CPNE4: variants seen among roughly 807,000 people sequenced by gnomAD.
CPNE4 encodes the protein copine 4.
In CPNE4, 25 loss-of-function variants were observed where a neutral mutation model predicts 67.9. The ratio of observed to expected loss-of-function variants is 0.37; its 90% CI spans 0.27 to 0.51. The LOEUF (loss-of-function observed/expected upper bound fraction) is 0.51. CPNE4 is among the 20% of genes least tolerant of loss of function. The pLI is 0.93. For synonymous variants in CPNE4, 242 were observed against 244.9 expected, an observed-to-expected ratio of 0.99 and a Z score of 0.11; for missense variants, 464 against 690.8, an observed-to-expected ratio of 0.67 and a Z score of 3.68.
At chr3:131,579,820 CAAAG>C (rs1212210648) in intron 9 of CPNE4, among the ~76,000 whole-genome samples, 1 of 152,160 alleles carries the variant, frequency 6.6e-6, no homozygotes, top group Non-Finnish European at 1.5e-5. Flanking sequence ...CATGGATAAA[CAAAG>C]AAAGTGGTTT....
At chr3:131,769,052 G>T (rs189540520) in intron 2 of CPNE4, among the ~76,000 whole-genome samples, 1 of 152,218 alleles carries the variant, frequency 6.6e-6, no homozygotes, top group African/African-American at 2.4e-5. Flanking sequence ...TTCCAGCTTG[G>T]GTTCATCCAT....
chr3:131,909,249 G>A (rs1472325332), intron 1 of CPNE4, among the ~76,000 whole-genome samples: 1 of 152,120 alleles, frequency 6.6e-6, no homozygotes, highest in Admixed American at 6.6e-5. Flanking sequence ...TTGTGAAGCT[G>A]CTTTATTAAC....
At chr3:131,991,627 GA>G (rs2073176202) in intron 1 of CPNE4, among the ~76,000 whole-genome samples, 1 of 135,964 alleles carries the variant, frequency 7.4e-6, no homozygotes, top group African/African-American at 2.5e-5. Flanking sequence ...CGATAGAAAA[GA>G]AAAATCCATT....
chr3:131,824,559 T>C (rs6765339), intron 2 of CPNE4, among the ~76,000 whole-genome samples: 4,803 of 152,252 alleles, frequency 0.032, 177 homozygotes, highest in South Asian at 0.094. Context: ...GGCGGTCTAT[T>C]GGTCTTTTAA....
chr3:131,912,892 G>A (rs1410323136), intron 1 of CPNE4, among the ~76,000 whole-genome samples: 1 of 152,112 alleles, frequency 6.6e-6, no homozygotes, highest in Non-Finnish European at 1.5e-5. Context: ...GATCCTGCTA[G>A]CCTGCGGACT....
chr3:131,666,052 C>T (rs1019421316), intron 7 of CPNE4, among the ~76,000 whole-genome samples: 3 of 151,848 alleles, frequency 2.0e-5, no homozygotes, highest in South Asian at 4.2e-4. Flanking sequence ...GGTAAAATAT[C>T]CAGGAAAACC....
intron 2 of CPNE4, among the ~76,000 whole-genome samples, chr3:131,859,292 T>C (rs989199331): frequency 6.6e-6 from 1 of 152,144 alleles, no homozygotes; most frequent in East Asian, 1.9e-4. Flanking sequence ...CTCCCCAAGA[T>C]AGCCAGCCAC....
chr3:131,759,693 A>G (rs1053190300), intron 2 of CPNE4, among the ~76,000 whole-genome samples: 2 of 152,204 alleles, frequency 1.3e-5, no homozygotes, highest in Non-Finnish European at 2.9e-5. Context: ...CAACCACTTT[A>G]TGATTGTTAA....
chr3:131,557,353 A>G (rs984586071), intron 11 of CPNE4, among the ~76,000 whole-genome samples: 1 of 152,062 alleles, frequency 6.6e-6, no homozygotes, highest in Non-Finnish European at 1.5e-5. Flanking sequence ...ATCTATAAGG[A>G]AAAAGGGATG....
chr3:131,891,116 A>C (rs929421776), intron 2 of CPNE4, among the ~76,000 whole-genome samples: 2 of 152,070 alleles, frequency 1.3e-5, no homozygotes, highest in Non-Finnish European at 2.9e-5. Context: ...AACAAACAAA[A>C]ACCCAAAGAG....
intron 11 of CPNE4, among the ~76,000 whole-genome samples, chr3:131,560,887 C>G (rs559733770): frequency 3.3e-5 from 5 of 151,984 alleles, no homozygotes; most frequent in Non-Finnish European, 5.9e-5. Context: ...TAAGGCTTTT[C>G]GAATGGCTTC....
intron 6 of CPNE4, among the ~76,000 whole-genome samples, chr3:131,680,743 G>C (rs2080727959): frequency 6.6e-6 from 1 of 152,072 alleles, no homozygotes; most frequent in South Asian, 2.1e-4. Context: ...CTTTAGTGGT[G>C]ATTTGTGAGA....
At chr3:131,703,792 A>G (rs1269287083) in intron 3 of CPNE4, among the ~76,000 whole-genome samples, 1 of 152,176 alleles carries the variant, frequency 6.6e-6, no homozygotes, top group African/African-American at 2.4e-5. Flanking sequence ...GGTACCAGTT[A>G]CTGTTCATAG....
chr3:131,727,094 T>C (rs1241056158), intron 2 of CPNE4, among the ~76,000 whole-genome samples: 3 of 152,254 alleles, frequency 2.0e-5, no homozygotes, highest in Non-Finnish European at 2.9e-5. Context: ...TATACTATTT[T>C]ACAAATGAGA....
intron 2 of CPNE4, among the ~76,000 whole-genome samples, chr3:131,892,680 A>G (rs2088162668): frequency 6.6e-6 from 1 of 152,146 alleles, no homozygotes; most frequent in African/African-American, 2.4e-5. Context: ...AATTAAGGCA[A>G]CAAAAATATA....
intron 2 of CPNE4, among the ~76,000 whole-genome samples, chr3:131,899,297 T>C (rs2088461469): frequency 6.6e-6 from 1 of 152,060 alleles, no homozygotes; most frequent in South Asian, 2.1e-4. Context: ...GGGAAGATGC[T>C]AATTATCACC....
At chr3:131,995,540 T>A (rs1270584571) in intron 1 of CPNE4, among the ~76,000 whole-genome samples, 1 of 152,076 alleles carries the variant, frequency 6.6e-6, no homozygotes, top group Admixed American at 6.6e-5. Flanking sequence ...GCAAGATGCC[T>A]CAGTGTGAGA....
chr3:131,953,238 T>TAAAAAAAAA (rs369308316), intron 1 of CPNE4, among the ~76,000 whole-genome samples: 7 of 75,694 alleles, frequency 9.2e-5, no homozygotes, highest in South Asian at 9.1e-4. Context: ...GAATGATCAA[T>TAAAAAAAAA]TAAAAAAAAA....
intron 7 of CPNE4, among the ~76,000 whole-genome samples, chr3:131,589,101 A>G (rs921086465): frequency 1.3e-5 from 2 of 152,214 alleles, no homozygotes; most frequent in Non-Finnish European, 2.9e-5. Context: ...GGATATATGT[A>G]TATATGAAAG....
Sources: gnomAD v4.1 joint callset for allele counts (sites outside exome capture counted in the v4.1 genomes callset) on GRCh38, gnomAD v4.1.1 for gene constraint, MANE v1.5 for transcripts, NCBI Gene and HGNC (gene_info 2026-07-23, HGNC 2026-07-21) for gene names.